Variants in NECTIN1 observed in about 807,000 individuals in gnomAD.
The protein encoded by NECTIN1 is nectin cell adhesion molecule 1.
NECTIN1 carries 23 observed loss-of-function variants against 48.0 expected under a neutral mutation model. The ratio of observed to expected loss-of-function variants is 0.48; its 90% CI spans 0.34 to 0.68. The LOEUF (loss-of-function observed/expected upper bound fraction) is 0.68, where lower values mean the gene tolerates loss of function less well. Among genes scored for constraint, NECTIN1 ranks in the 30% least tolerant of loss-of-function variants. The pLI is 0.01. For synonymous variants in NECTIN1, 270 were observed against 288.9 expected (o/e 0.93, Z 0.66); for missense variants, 591 against 709.9 (o/e 0.83, Z 1.90).
chr11:119,681,481 G>A (rs1235230967), intron 1 of NECTIN1, among the ~76,000 whole-genome samples: 1 of 152,214 alleles, frequency 6.6e-6, no homozygotes, highest in Non-Finnish European at 1.5e-5. Context: ...GGCAGGCAGG[G>A]CACAGTCCCT....
rs1481381289 is a variant in NECTIN1 at position 119,683,570 on chromosome 11, CCGGG to C, written c.80-4809_80-4806del. On this transcript the variant is annotated intron_variant, in intron 1 of 5. Transcript: ENST00000264025. The surrounding 1 kb of genome is among the most constrained non-coding windows in gnomAD (Gnocchi z 4.0). The stretch of plus-strand genomic sequence containing the variant: ...GTCAGAAACAGGGGCTTTGGGGATC[CCGGG>C]TGTGTGTGTGTGTGTGTGTGTGTGT... 1.5e-5 allele frequency among the ~76,000 whole-genome samples: 2 copies of C among 129,364 alleles called. No homozygotes were observed. Among genetic ancestry groups the C allele is most frequent in the African/African-American group, 6.0e-5 (2 of 33,134 alleles). The allele number at this position is 129,364 out of a possible 152,430, so 84.9% of individuals were successfully genotyped here.
At chr11:119,711,843 T>TG in intron 1 of NECTIN1, among the ~76,000 whole-genome samples, 1 of 152,228 alleles carries the variant, frequency 6.6e-6, no homozygotes, top group South Asian at 2.1e-4. Flanking sequence ...TTTTCTCAAC[T>TG]GGGGTGCTCT....
chr11:119,708,096 C>T (rs749357887), intron 1 of NECTIN1, among the ~76,000 whole-genome samples: 5 of 152,272 alleles, frequency 3.3e-5, no homozygotes, highest in Non-Finnish European at 7.3e-5. Flanking sequence ...GCAATGGGAG[C>T]TCAGAAGGGG....
At chr11:119,668,377 G>A (rs1037908436) in intron 5 of NECTIN1, among the ~76,000 whole-genome samples, 5 of 152,146 alleles carry the variant, frequency 3.3e-5, no homozygotes, top group African/African-American at 4.8e-5. Context: ...ACAACCACTC[G>A]CTTTCTCAAA....
chr11:119,676,111 A>G (rs965039351), intron 4 of NECTIN1, among the ~76,000 whole-genome samples: 12 of 152,146 alleles, frequency 7.9e-5, no homozygotes, highest in Non-Finnish European at 1.8e-4. Flanking sequence ...TTGACAAGCC[A>G]CTCAGGTAAC....
In NECTIN1 at chr11:119,677,942, G is replaced by T; in HGVS notation, c.431-85C>A. 7.1e-7 allele frequency: 1 copy of T among 1,410,486 alleles called. No homozygotes were observed. The highest frequency in any genetic ancestry group is 9.9e-7 in the Non-Finnish European group (1 of 1,012,438). 87.4% of individuals were successfully genotyped at this position (1,410,486 alleles called of 1,614,324 possible). The stretch of plus-strand genomic sequence containing the variant: ...GCCAAAAGGGCGTGGCATCCGTCAG[G>T]CCTTGTCTTCAGGTCCCCTTGGCCA... On this transcript the variant is annotated intron_variant, in intron 2 of 5. Coordinates refer to ENST00000264025, the MANE Select transcript of NECTIN1 (RefSeq NM_002855.5). This position sits in a 1 kb window ranked among gnomAD's most constrained non-coding sequence, Gnocchi z 5.4.
rs1864698551 is a variant in NECTIN1 at position 119,663,215 on chromosome 11, G to C, written c.*1532C>G. 1.0e-6 allele frequency: 1 copy of C among 985,382 alleles called. No individual in the cohort carries two copies. The allele number at this position is 985,382 out of a possible 1,614,324, so 61.0% of individuals were successfully genotyped here. On this transcript the variant is annotated 3_prime_UTR_variant, in exon 6 of 6. Coordinates refer to ENST00000264025, the MANE Select transcript of NECTIN1 (RefSeq NM_002855.5). Reference sequence around the variant, plus strand: ...CCGCGAAGCCTGCCTCTCCATCCCAGGGTCCTTCCCATGGGCATGCCTGTC... The same window carrying C: ...CCGCGAAGCCTGCCTCTCCATCCCACGGTCCTTCCCATGGGCATGCCTGTC...
intron 1 of NECTIN1, among the ~76,000 whole-genome samples, chr11:119,705,900 G>A (rs1865540841): frequency 6.6e-6 from 1 of 152,096 alleles, no homozygotes; most frequent in Admixed American, 6.5e-5. Flanking sequence ...ACAGCTGGCA[G>A]CCCACTCCTT....
chr11:119,681,237 T>C (rs1482800585), intron 1 of NECTIN1, among the ~76,000 whole-genome samples: 1 of 152,200 alleles, frequency 6.6e-6, no homozygotes, highest in East Asian at 1.9e-4. Context: ...GCCCAGTGGC[T>C]GAGATAATGT....
chr11:119,728,262 G>C (rs1301522113), intron 1 of NECTIN1, among the ~76,000 whole-genome samples: 1 of 152,224 alleles, frequency 6.6e-6, no homozygotes, highest in East Asian at 1.9e-4. Flanking sequence ...ATGCTACATA[G>C]AGACGTGCAT....
chr11:119,698,966 G>A (rs985489012), intron 1 of NECTIN1, among the ~76,000 whole-genome samples: 2 of 152,130 alleles, frequency 1.3e-5, no homozygotes, highest in Admixed American at 1.3e-4. Context: ...GTGCCAGCCT[G>A]CAGAAAAATG....
At chr11:119,722,208 A>G (rs1429272970) in intron 1 of NECTIN1, among the ~76,000 whole-genome samples, 1 of 152,244 alleles carries the variant, frequency 6.6e-6, no homozygotes, top group Non-Finnish European at 1.5e-5. Flanking sequence ...GAACTAATAC[A>G]ACACTAATGC....
rs144990451 is a variant in NECTIN1, at chr11:119,677,727, A to T, written c.561T>A (p.Thr187=). The T allele has an allele frequency of 6.0e-4, 971 of 1,614,020 alleles. No individual in the cohort carries two copies. Among genetic ancestry groups the T allele is most frequent in the Non-Finnish European group, 7.3e-4 (860 of 1,180,004 alleles). ...GGTACTCTGCCTCACCTTTTAACCG[A>T]GTTTCCCAGGATACCACACTGGGAG... ...GKPPSVVSWE[T]RLKGEAEYQE... is the part of the protein sequence containing the mutation. Residue 187 remains threonine (T), a synonymous_variant, in exon 3 of 6, where the codon ACT becomes ACA. Transcript: ENST00000264025. This position sits in a 1 kb window ranked among gnomAD's most constrained non-coding sequence, Gnocchi z 5.4.
chr11:119,650,090 G>GTTATCT (rs1864467058), intron 5 of NECTIN1, among the ~76,000 whole-genome samples: 1 of 152,078 alleles, frequency 6.6e-6, no homozygotes, highest in Non-Finnish European at 1.5e-5. Flanking sequence ...GGGCAAGAGT[G>GTTATCT]GGGGTCACAA....
chr11:119,644,673 C>T (rs1864371591), intron 5 of NECTIN1, among the ~76,000 whole-genome samples: 1 of 152,176 alleles, frequency 6.6e-6, no homozygotes, highest in South Asian at 2.1e-4. Flanking sequence ...TCCCACAGAG[C>T]AGGGGGCCTT....
chr11:119,675,134 G>A (rs1325518107), intron 5 of NECTIN1, 25 bp downstream of exon 5: 2 of 1,613,974 alleles, frequency 1.2e-6, no homozygotes, highest in South Asian at 2.2e-5. Context: ...GGTGCGGAGA[G>A]GCTGGGGAGG....
At position 119,639,816 on chromosome 11, in the gene NECTIN1, G is replaced by C. The variant is rs771196798; in HGVS notation, c.1151+49C>G. The C allele has an allele frequency of 4.3e-6, 7 of 1,611,496 alleles. No individual in the cohort carries two copies. In the African/African-American group the frequency reaches 9.4e-5, roughly 22 times the overall value. On this transcript the variant is annotated intron_variant, in intron 6 of 7. Transcript: ENST00000341398. ...TTAAGTCTGGGGCTCCCAGGGTGCT[G>C]GGGAGCAGACCAGTGGGAGTTTAGT...
chr11:119,729,076 C>A lies in NECTIN1; in HGVS notation c.-523G>T. On this transcript the variant is annotated 5_prime_UTR_variant, in exon 1 of 6. Coordinates refer to ENST00000264025, the MANE Select transcript of NECTIN1 (RefSeq NM_002855.5). ...TCGGCGGTCGGCGGCCCGGGTGGCTCTGGCTGCGCGGCCGGGCGCGAGGAG... is the reference window on the plus strand; with the variant it reads ...TCGGCGGTCGGCGGCCCGGGTGGCTATGGCTGCGCGGCCGGGCGCGAGGAG... The A allele has an allele frequency of 6.6e-6, 1 of 151,176 alleles. No individual in the cohort carries two copies. Among genetic ancestry groups the A allele is most frequent in the South Asian group, 1.8e-4 (1 of 5,562 alleles). The allele number at this position is 151,176 out of a possible 1,614,324, so 9.4% of individuals were successfully genotyped here.
intron 5 of NECTIN1, among the ~76,000 whole-genome samples, chr11:119,648,019 G>A (rs766982726): frequency 1.5e-5 from 2 of 130,972 alleles, no homozygotes; most frequent in African/African-American, 2.8e-5. Flanking sequence ...AGCTGAGATC[G>A]TGCCACTGCC....
Sources: gnomAD v4.1 joint callset for allele counts (sites outside exome capture counted in the v4.1 genomes callset) on GRCh38, gnomAD v4.1.1 for gene constraint, Gnocchi (gnomAD v3.1) non-coding constraint, MANE v1.5 for transcripts, NCBI Gene and HGNC (gene_info 2026-07-23, HGNC 2026-07-21) for gene names.